MYOM3: variants seen among roughly 807,000 people sequenced by gnomAD.
The protein encoded by MYOM3 is myomesin 3, also known as myomesin-3.
In MYOM3, 155 loss-of-function variants were observed where a neutral mutation model predicts 191.7. That is an observed-to-expected ratio of 0.81 (90% confidence interval 0.71 to 0.92). The LOEUF is 0.92. Ranked by LOEUF, MYOM3 falls within the 40% of genes least tolerant of loss-of-function variation. The pLI, the probability that MYOM3 is intolerant of heterozygous loss-of-function variation, is 0.00. For missense variants in MYOM3, 1,889 were observed against 1,890.6 expected, an observed-to-expected ratio of 1.00 and a Z score of 0.02; for synonymous variants, 757 against 762.9, an observed-to-expected ratio of 0.99 and a Z score of 0.13.
intron 5 of MYOM3, 92 bp from the exon 6 acceptor site, chr1:24,099,867 TGTTTTGTTTTGTTTTTTTGAGACGGA>T: frequency 2.2e-6 from 2 of 918,662 alleles, no homozygotes; most frequent in South Asian, 2.9e-5. Context: ...TGCAGGTTTT[TGTTTTGTTTTGTTTTTTTGAGACGGA>T]GTTTTGCTTT....
chr1:24,102,019 T>C (rs971468384), intron 5 of MYOM3, among the ~76,000 whole-genome samples: 4 of 152,164 alleles, frequency 2.6e-5, no homozygotes, highest in Non-Finnish European at 5.9e-5. Flanking sequence ...TGGGCCTCTG[T>C]GTCCCTGAAG....
rs771716071 is a variant in MYOM3, at chr1:24,061,052, C to T, written c.3994+8G>A. On this transcript the variant is annotated splice_region_variant and intron_variant, in intron 35 of 36. Coordinates refer to ENST00000374434, the MANE Select transcript of MYOM3 (RefSeq NM_152372.4). ...AAACAAAAACAACAGAAATATCGGCCGACTTACTCTTCTCGATGATGGCCA... is the reference window on the plus strand; with the variant it reads ...AAACAAAAACAACAGAAATATCGGCTGACTTACTCTTCTCGATGATGGCCA... 54 of 1,613,636 alleles carry T rather than the reference C, an allele frequency of 3.3e-5. No homozygotes were observed. In the South Asian group the frequency reaches 3.4e-4, roughly 10 times the overall value.
chr1:24,084,584 G>T lies in MYOM3; in HGVS notation c.1854C>A (p.Val618=). ...CTTTCACAGGATCCCATGTCAGGGA[G>T]ACAGAGGTCTGTGTGTCTCTGAAAG... The part of the protein sequence containing the change: ...VQAFRDTQTS[V]SLTWDPVKDP... The change falls in exon 16 of 37, where the codon GTC becomes GTA. Residue 618 remains valine, a synonymous_variant. Coordinates refer to ENST00000374434, the MANE Select transcript of MYOM3 (RefSeq NM_152372.4). The T allele has an allele frequency of 1.2e-6, 2 of 1,614,130 alleles. No individual in the cohort carries two copies. Among genetic ancestry groups the T allele is most frequent in the Non-Finnish European group, 1.7e-6 (2 of 1,180,000 alleles).
rs546172209 is a variant in MYOM3, at chr1:24,058,371, G to C, written c.4050+553C>G. On this transcript the variant is annotated intron_variant, in intron 36 of 36. Coordinates refer to ENST00000374434, the MANE Select transcript of MYOM3 (RefSeq NM_152372.4). ...CAGGCTCTGGAGTTGGGCTTCCTGG[G>C]TGTGAATCTCAGCTCTGCCCCTTCA... 7.9e-5 allele frequency among the ~76,000 whole-genome samples: 12 copies of C among 152,250 alleles called. No individual in the cohort carries two copies. The East Asian group carries it at 2.3e-3, about 29-fold the overall frequency.
At chr1:24,071,549 G>A (rs57175325) in intron 24 of MYOM3, among the ~76,000 whole-genome samples, 6,146 of 152,238 alleles carry the variant, frequency 0.04, 414 homozygotes, top group African/African-American at 0.14. Flanking sequence ...TCCACCCTCA[G>A]AGATTCTGAT....
chr1:24,096,802 G>C (rs1004899955), intron 7 of MYOM3, among the ~76,000 whole-genome samples: 1 of 152,146 alleles, frequency 6.6e-6, no homozygotes, highest in African/African-American at 2.4e-5. Flanking sequence ...CTCAGGGCAC[G>C]GCATTCTTCT....
At chr1:24,082,522 T>C (rs1430002044) in intron 17 of MYOM3, 71 bp downstream of exon 17, 5 of 1,493,842 alleles carry the variant, frequency 3.3e-6, no homozygotes, top group Non-Finnish European at 4.4e-6. Context: ...CCCTCCAAGA[T>C]GTGATCTATG....
rs747767797 is a variant in MYOM3, at chr1:24,092,272, G to A, written c.1134C>T (p.Asn378=). The change falls in exon 11 of 37, where the codon AAC becomes AAT. Residue 378 remains asparagine, a synonymous_variant. Coordinates refer to ENST00000374434, the MANE Select transcript of MYOM3 (RefSeq NM_152372.4). ...CTCTGTTCACATCCAGGCATCGGACGTTCAGTGGGGAGCCTGGGGCCCCGG... is the reference window on the plus strand; with the variant it reads ...CTCTGTTCACATCCAGGCATCGGACATTCAGTGGGGAGCCTGGGGCCCCGG... The part of the protein sequence containing the change: ...ENPGAPGSPL[N]VRCLDVNRDC... 21 of 1,389,900 alleles carry A rather than the reference G, an allele frequency of 1.5e-5. No individual in the cohort carries two copies. The highest frequency in any genetic ancestry group is 3.0e-5 in the African/African-American group (2 of 67,090). The allele number at this position is 1,389,900 out of a possible 1,614,324, so 86.1% of individuals were successfully genotyped here.
chr1:24,065,774 G>A (rs1432153055), intron 29 of MYOM3, 117 bp downstream of exon 29: 2 of 792,074 alleles, frequency 2.5e-6, no homozygotes, highest in Admixed American at 1.8e-5. Context: ...TGTGCTCAGG[G>A]CCTCACTTGC....
intron 12 of MYOM3, 43 bp downstream of exon 12, chr1:24,090,754 C>T: frequency 6.3e-7 from 1 of 1,599,364 alleles, no homozygotes; most frequent in South Asian, 1.1e-5. Context: ...TGAGGGTTCC[C>T]TGACTGATGT....
Position 24,065,323 on chromosome 1 carries a change from G to A in MYOM3, c.3534+568C>T, listed in dbSNP as rs573783581. Among the ~76,000 whole-genome samples the A allele has an allele frequency of 7.9e-4, 121 of 152,346 alleles. 1 individual carries two copies. Among genetic ancestry groups the A allele is most frequent in the African/African-American group, 2.7e-3 (111 of 41,580 alleles). On this transcript the variant is annotated intron_variant, in intron 29 of 36. Transcript: ENST00000374434. Reference sequence around the variant, plus strand: ...AGACATCAGCAGCAGGGCAGAAAAAGGTTGACGTTTGAGAGCAAGCCTTGT... The same window carrying A: ...AGACATCAGCAGCAGGGCAGAAAAAAGTTGACGTTTGAGAGCAAGCCTTGT...
In MYOM3 at chr1:24,067,023, T is replaced by C; in HGVS notation, c.3421A>G (p.Lys1141Glu). ...TEDCQVQLTC[K>E]VTNTKKETRF... Reference sequence around the variant, plus strand: ...GGGCAGGGCAGGGCAGGACTTGCCTTGCACGTCAGCTGCACTTGGCAGTCC... The same window carrying C: ...GGGCAGGGCAGGGCAGGACTTGCCTCGCACGTCAGCTGCACTTGGCAGTCC... Residue 1141 changes from lysine to glutamate, a missense_variant and splice_region_variant, in exon 28 of 37, where the codon AAG becomes GAG. Physicochemically the swap from Lys to Glu is moderately conservative, Grantham distance 56. Transcript: ENST00000374434. 6.4e-7 allele frequency: 1 copy of C among 1,569,602 alleles called. No homozygotes were observed.
At chr1:24,098,559 T>C (rs1643891177) in intron 6 of MYOM3, among the ~76,000 whole-genome samples, 1 of 152,228 alleles carries the variant, frequency 6.6e-6, no homozygotes. Flanking sequence ...AGGGGCACCC[T>C]GGTGACAGAG....
rs751618269 is a variant in MYOM3 at position 24,067,932 on chromosome 1, T to G, written c.3355+38A>C. ...GTCCAGCATCTCTAGCACGAACCAGTGGCCAGGGATTTTGAACTTCACCCC... is the reference window on the plus strand; with the variant it reads ...GTCCAGCATCTCTAGCACGAACCAGGGGCCAGGGATTTTGAACTTCACCCC... On this transcript the variant is annotated intron_variant, in intron 27 of 36. Coordinates refer to ENST00000374434, the MANE Select transcript of MYOM3 (RefSeq NM_152372.4). 3.7e-6 allele frequency: 6 copies of G among 1,603,026 alleles called. No homozygotes were observed. The Admixed American group carries it at 6.7e-5, about 18-fold the overall frequency.
Position 24,063,408 on chromosome 1 carries a change from A to G in MYOM3, c.3661+84T>C, listed in dbSNP as rs1557600674. Reference sequence around the variant, plus strand: ...GAGGTTAGAAACTAAACCCACCCCCAATAGCCAAGGCCAGTGTTAGGCTGC... The same window carrying G: ...GAGGTTAGAAACTAAACCCACCCCCGATAGCCAAGGCCAGTGTTAGGCTGC... On this transcript the variant is annotated intron_variant, in intron 31 of 36. Transcript: ENST00000374434. The surrounding 1 kb of genome is among the most constrained non-coding windows in gnomAD (Gnocchi z 4.5). 6 of 1,561,012 alleles carry G rather than the reference A, an allele frequency of 3.8e-6. No homozygotes were observed. The highest frequency in any genetic ancestry group is 3.3e-5 in the South Asian group (3 of 89,976).
chr1:24,106,795 C>G (rs1356700155), intron 4 of MYOM3, among the ~76,000 whole-genome samples: 3 of 152,166 alleles, frequency 2.0e-5, no homozygotes, highest in Non-Finnish European at 2.9e-5. Context: ...TCTCGAACTC[C>G]TGACCTCAGG....
intron 33 of MYOM3, 69 bp from the exon 34 acceptor site, chr1:24,061,378 C>T: frequency 6.6e-7 from 1 of 1,507,032 alleles, no homozygotes; most frequent in Non-Finnish European, 9.1e-7. Flanking sequence ...GACAGGGTGA[C>T]CCTGGGAGCA....
At chr1:24,110,119 C>A (rs575027898) in intron 1 of MYOM3, among the ~76,000 whole-genome samples, 5 of 152,130 alleles carry the variant, frequency 3.3e-5, no homozygotes, top group African/African-American at 1.2e-4. Flanking sequence ...TCTCTGAGGG[C>A]CCCCCTGATG....
chr1:24,106,320 T>C (rs4593753), intron 4 of MYOM3, among the ~76,000 whole-genome samples: 150,849 of 152,276 alleles, frequency 0.99, 74,727 homozygotes, highest in Middle Eastern at 1. Flanking sequence ...GTGTCCTTAT[T>C]GGTAAAATAG....
Sources: allele counts gnomAD v4.1 joint callset (sites outside exome capture counted in the v4.1 genomes callset), GRCh38; gene constraint gnomAD v4.1.1; non-coding constraint Gnocchi (gnomAD v3.1); transcripts MANE v1.5; gene names NCBI Gene and HGNC (gene_info 2026-07-23, HGNC 2026-07-21).